MYOCD: variants seen among roughly 807,000 people sequenced by gnomAD.
The protein encoded by MYOCD is myocardin.
In MYOCD, 32 loss-of-function variants were observed where a neutral mutation model predicts 96.1. That is an observed-to-expected ratio of 0.33 (90% CI 0.25 to 0.45). MYOCD has a LOEUF of 0.45. Among genes scored for constraint, MYOCD ranks in the 20% least tolerant of loss-of-function variants. The pLI, the probability that MYOCD is intolerant of heterozygous loss-of-function variation, is 1.00. For synonymous variants in MYOCD, 469 were observed against 469.0 expected, an observed-to-expected ratio of 1.00 and a Z score of 0.00; for missense variants, 1,133 against 1,200.6, an observed-to-expected ratio of 0.94 and a Z score of 0.83.
chr17:12,697,061 C>T (rs182176109), intron 1 of MYOCD, among the ~76,000 whole-genome samples: 62 of 152,084 alleles, frequency 4.1e-4, no homozygotes, highest in African/African-American at 1.3e-3. Flanking sequence ...TTCCCATGCC[C>T]CATAACCAAT....
rs140354784 is a variant in MYOCD at position 12,747,999 on chromosome 17, C to T, written c.1125+1927C>T. Among the ~76,000 whole-genome samples, 24 of 150,470 alleles carry T rather than the reference C, an allele frequency of 1.6e-4. No homozygotes were observed. The South Asian group carries it at 4.8e-3, about 30-fold the overall frequency. ...CCAACACGGTGAAACCCCATCTCTA[C>T]GAAAAATATAAAAATTAGCTGGGCG... On this transcript the variant is annotated intron_variant, in intron 9 of 13. Transcript: ENST00000425538.
In MYOCD at chr17:12,752,691, C is replaced by T. The variant is rs763223346; in HGVS notation, c.1403C>T (p.Ala468Val). The change falls in exon 10 of 14, where the codon GCT becomes GTT. Residue 468 changes from alanine to valine, a missense_variant. Transcript: ENST00000425538. ...ISPASSDLSV[A>V]GSLPDTFNDA... ...CCAGCCTCCTCTGACCTGTCAGTCG[C>T]TGGGTCCCTGCCGGACACCTTCAAT... 6.2e-7 allele frequency: 1 copy of T among 1,614,208 alleles called. No individual in the cohort carries two copies. Among genetic ancestry groups the T allele is most frequent in the Non-Finnish European group, 8.5e-7 (1 of 1,180,032 alleles).
At position 12,765,207 on chromosome 17, in the gene MYOCD, C is replaced by T. The variant is rs182054562; in HGVS notation, c.*1563C>T. The T allele has an allele frequency of 5.3e-5, 8 of 152,014 alleles. No homozygotes were observed. The East Asian group carries it at 1.5e-3, about 29-fold the overall frequency. The allele number at this position is 152,014 out of a possible 1,614,324, so 9.4% of individuals were successfully genotyped here. On this transcript the variant is annotated 3_prime_UTR_variant, in exon 14 of 14. Transcript: ENST00000425538. ...TTCAGAACAGTCTCTGTAAGGCTCT[C>T]TGTGGCTCCAGTTCACCATTTTATA... is the stretch of plus-strand genomic sequence containing the variant.
chr17:12,725,635 T>C (rs908631909), intron 5 of MYOCD, among the ~76,000 whole-genome samples: 2 of 149,970 alleles, frequency 1.3e-5, no homozygotes, highest in Admixed American at 6.7e-5. Context: ...ATTGATACCT[T>C]GCCAGTGCCT....
At chr17:12,757,322 G>T (rs971076773) in intron 11 of MYOCD, among the ~76,000 whole-genome samples, 22 of 152,092 alleles carry the variant, frequency 1.4e-4, no homozygotes, top group Admixed American at 3.3e-4. Context: ...GTCGGAAGGG[G>T]CAGAGACCCT....
At chr17:12,679,560 A>G (rs1188902815) in intron 1 of MYOCD, among the ~76,000 whole-genome samples, 1 of 152,200 alleles carries the variant, frequency 6.6e-6, no homozygotes, top group Non-Finnish European at 1.5e-5. Flanking sequence ...ATTTATATAT[A>G]TGTATATGCA....
intron 1 of MYOCD, among the ~76,000 whole-genome samples, chr17:12,667,615 T>A (rs751558735): frequency 6.6e-6 from 1 of 152,236 alleles, no homozygotes; most frequent in Non-Finnish European, 1.5e-5. Flanking sequence ...TTTCAAATGC[T>A]TCCTTGCCAG....
intron 2 of MYOCD, among the ~76,000 whole-genome samples, chr17:12,714,127 A>G (rs1462078970): frequency 6.6e-6 from 1 of 152,072 alleles, no homozygotes; most frequent in Non-Finnish European, 1.5e-5. Flanking sequence ...AACATTGTTA[A>G]TGTTGGGGTG....
chr17:12,725,094 T>C (rs1229188578), intron 5 of MYOCD, among the ~76,000 whole-genome samples: 17 of 152,158 alleles, frequency 1.1e-4, no homozygotes, highest in Middle Eastern at 3.4e-3. Context: ...TGATTATTGC[T>C]GATATATGGG....
chr17:12,736,379 T>C, intron 6 of MYOCD, 43 bp downstream of exon 6: 1 of 1,594,950 alleles, frequency 6.3e-7, no homozygotes, highest in Non-Finnish European at 8.6e-7. Flanking sequence ...AAACAGCATC[T>C]CAGTGTATTA....
Position 12,752,883 on chromosome 17 carries a change from C to A in MYOCD, c.1595C>A (p.Thr532Asn), listed in dbSNP as rs2032897688. 4 of 1,613,850 alleles carry A rather than the reference C, an allele frequency of 2.5e-6. No homozygotes were observed. Among genetic ancestry groups the A allele is most frequent in the Admixed American group, 1.7e-5 (1 of 59,990 alleles). The change falls in exon 10 of 14, where the codon ACC becomes AAC. Residue 532 changes from threonine to asparagine, a missense_variant. Physicochemically the swap from Thr to Asn is moderately conservative, Grantham distance 65 (BLOSUM62 0). Transcript: ENST00000425538. ...AAGCAGAAGGTGATCAATGAACTCA[C>A]CTGGAAACTCCAGCAAGAGCAGAGG... is the stretch of plus-strand genomic sequence containing the variant. ...VEKQKVINEL[T>N]WKLQQEQRQV...
chr17:12,666,063 G>A lies in MYOCD; in HGVS notation c.-126G>A. 1 of 690,616 alleles carries A rather than the reference G, an allele frequency of 1.4e-6. No homozygotes were observed. The highest frequency in any genetic ancestry group is 2.6e-6 in the Non-Finnish European group (1 of 386,468). The allele number at this position is 690,616 out of a possible 1,614,324, so 42.8% of individuals were successfully genotyped here. A position where few individuals can be genotyped will look rare whatever the true frequency, so the allele number is the denominator to read the frequency against. ...GGCTGCCACTGTACTCCTACCCAGG[G>A]GAGCTCACGGAGAGTTGGATGAATT... On this transcript the variant is annotated 5_prime_UTR_variant, in exon 1 of 14. Transcript: ENST00000425538.
rs1567591071 is a variant in MYOCD, at chr17:12,733,885, A to AAAAAAAAAAAAAAAG, written c.416-2273_416-2272insAAAAAAAAAAAGAAA. ...CGTCTCAAAAAAAAGAAAAAAGAAA[A>AAAAAAAAAAAAAAAG]AAAGAAAGAAATGAGAAAATGTGCC... On this transcript the variant is annotated intron_variant, in intron 5 of 13. Transcript: ENST00000425538. Among the ~76,000 whole-genome samples, 3 of 139,792 alleles carry AAAAAAAAAAAAAAAG rather than the reference A, an allele frequency of 2.1e-5. 1 individual carries two copies. The highest frequency in any genetic ancestry group is 1.5e-5 in the Non-Finnish European group (1 of 64,996). The allele number at this position is 139,792 out of a possible 152,430, so 91.7% of individuals were successfully genotyped here.
At chr17:12,690,922 G>A (rs926508677) in intron 1 of MYOCD, among the ~76,000 whole-genome samples, 4 of 152,196 alleles carry the variant, frequency 2.6e-5, no homozygotes, top group African/African-American at 9.7e-5. Flanking sequence ...AATTACGTGT[G>A]TATAATTCCA....
intron 1 of MYOCD, among the ~76,000 whole-genome samples, chr17:12,684,256 CTG>C (rs1169233409): frequency 6.6e-6 from 1 of 152,150 alleles, no homozygotes; most frequent in African/African-American, 2.4e-5. Flanking sequence ...CAAACCAACC[CTG>C]TCTCTTCCCA....
intron 1 of MYOCD, among the ~76,000 whole-genome samples, chr17:12,701,821 A>C (rs9915736): frequency 0.32 from 48,423 of 152,028 alleles, 10,067 homozygotes; most frequent in African/African-American, 0.59. Context: ...TTTTGTGTTG[A>C]CTATGAATTA....
At chr17:12,723,053 C>A in intron 5 of MYOCD, 45 bp downstream of exon 5, 2 of 1,569,102 alleles carry the variant, frequency 1.3e-6, no homozygotes, top group Middle Eastern at 1.8e-4. Flanking sequence ...CTATTGAGAT[C>A]TGAGGGCAGC....
At chr17:12,717,532 C>T (rs1017466710) in intron 4 of MYOCD, 111 bp downstream of exon 4, 52 of 845,278 alleles carry the variant, frequency 6.2e-5, no homozygotes, top group Non-Finnish European at 8.1e-5. Context: ...TCTCCCTTGC[C>T]GTTACAAAGT....
intron 5 of MYOCD, among the ~76,000 whole-genome samples, chr17:12,727,666 A>C (rs946144925): frequency 1.3e-5 from 2 of 152,068 alleles, no homozygotes; most frequent in Admixed American, 6.6e-5. Context: ...CCTCCCTCCA[A>C]ACTTCATTAA....
Sources: gnomAD v4.1 joint callset for allele counts (sites outside exome capture counted in the v4.1 genomes callset) on GRCh38, gnomAD v4.1.1 for gene constraint, MANE v1.5 for transcripts, NCBI Gene and HGNC (gene_info 2026-07-23, HGNC 2026-07-21) for gene names.